Variants in HOMER2 observed in about 807,000 individuals in gnomAD.
HOMER2 encodes the protein homer protein homolog 2.
HOMER2 carries 27 observed loss-of-function variants against 47.0 expected under a neutral mutation model. That is an observed-to-expected ratio of 0.57 (90% CI 0.42 to 0.79). The LOEUF (loss-of-function observed/expected upper bound fraction) is 0.79, where lower values mean the gene tolerates loss of function less well. HOMER2 is among the 30% of genes least tolerant of loss of function. HOMER2 has a pLI of 0.00. For synonymous variants in HOMER2, 161 were observed against 163.8 expected, an observed-to-expected ratio of 0.98 and a Z score of 0.13; for missense variants, 443 against 435.0, an observed-to-expected ratio of 1.02 and a Z score of -0.16.
intron 1 of HOMER2, among the ~76,000 whole-genome samples, chr15:82,933,843 G>GA (rs2151201774): frequency 2.6e-5 from 4 of 152,176 alleles, no homozygotes; most frequent in African/African-American, 9.6e-5. Flanking sequence ...TCACACTCAC[G>GA]AAAGACCCGC....
At chr15:82,880,387 A>C (rs965675423) in intron 2 of HOMER2, among the ~76,000 whole-genome samples, 2 of 152,230 alleles carry the variant, frequency 1.3e-5, no homozygotes, top group African/African-American at 4.8e-5. Flanking sequence ...ATACACTCTT[A>C]ATAGAGTGGT....
chr15:82,979,616 A>G (rs987805386), intron 1 of HOMER2, among the ~76,000 whole-genome samples: 5 of 152,114 alleles, frequency 3.3e-5, no homozygotes, highest in Non-Finnish European at 5.9e-5. Flanking sequence ...GAAGGAATGA[A>G]GAGGAGTGAA....
At chr15:82,924,023 T>C (rs1008343514) in intron 1 of HOMER2, among the ~76,000 whole-genome samples, 5 of 152,020 alleles carry the variant, frequency 3.3e-5, no homozygotes, top group Non-Finnish European at 7.4e-5. Context: ...CGTGCAGACA[T>C]AGAGAGACAG....
downstream of HOMER2, among the ~76,000 whole-genome samples, chr15:82,836,727 G>A (rs752252394): frequency 1.1e-4 from 17 of 152,334 alleles, no homozygotes; most frequent in Non-Finnish European, 2.2e-4. Context: ...GTATTCATCT[G>A]TTCGTCCATT....
At chr15:82,906,635 T>C (rs2053294237) in intron 1 of HOMER2, among the ~76,000 whole-genome samples, 1 of 152,190 alleles carries the variant, frequency 6.6e-6, no homozygotes, top group Admixed American at 6.5e-5. Context: ...AGTTTCTCCA[T>C]GTTGGTCAGG....
intron 1 of HOMER2, among the ~76,000 whole-genome samples, chr15:82,932,083 C>T (rs2054025823): frequency 6.6e-6 from 1 of 152,084 alleles, no homozygotes; most frequent in Non-Finnish European, 1.5e-5. Flanking sequence ...GCCTGGGGGG[C>T]CTAATTCAGC....
rs922166901 is a variant in HOMER2, at chr15:82,849,859, G to C, written c.888C>G (p.Ser296=). 1 of 1,613,982 alleles carries C rather than the reference G, an allele frequency of 6.2e-7. No homozygotes were observed. The change falls in exon 9 of 9, where the codon TCC becomes TCG. Residue 296 remains serine (S), a synonymous_variant. Transcript: ENST00000450735. ...DNQNLEDKVR[S]LKTDIEESKY... ...TGCTCTCCTCAATGTCTGTCTTTAA[G>C]GAACGCACTTTGTCTTCCAGGTTTT...
At chr15:82,905,797 G>A (rs919964810) in intron 1 of HOMER2, among the ~76,000 whole-genome samples, 1 of 152,082 alleles carries the variant, frequency 6.6e-6, no homozygotes, top group Non-Finnish European at 1.5e-5. Context: ...CAATAGACCT[G>A]CCTTACAAGA....
At position 82,915,693 on chromosome 15, in the gene HOMER2, T is replaced by A. The variant is rs75746817; in HGVS notation, c.6-22852A>T. Among the ~76,000 whole-genome samples, 810 of 152,214 alleles carry A rather than the reference T, an allele frequency of 5.3e-3. 3 individuals carry two copies. Among genetic ancestry groups the A allele is most frequent in the African/African-American group, 0.017 (722 of 41,522 alleles). ...CTCAAATAAATAGATAAATAAAGCC[T>A]TAGAACTGCATACTCCTCAACCCAA... On this transcript the variant is annotated intron_variant, in intron 1 of 8. Transcript: ENST00000450735.
intron 1 of HOMER2, among the ~76,000 whole-genome samples, chr15:82,940,142 C>T (rs1430154757): frequency 6.6e-6 from 1 of 151,956 alleles, no homozygotes; most frequent in Non-Finnish European, 1.5e-5. Context: ...GGGTGCAGCA[C>T]ACCAACATGG....
chr15:82,940,916 C>G (rs964112740), intron 1 of HOMER2, among the ~76,000 whole-genome samples: 1 of 151,964 alleles, frequency 6.6e-6, no homozygotes, highest in Non-Finnish European at 1.5e-5. Context: ...AAATCTAACT[C>G]TCACCCCCAG....
At chr15:82,981,962 C>T (rs1199872493) in intron 1 of HOMER2, among the ~76,000 whole-genome samples, 1 of 152,114 alleles carries the variant, frequency 6.6e-6, no homozygotes, top group Non-Finnish European at 1.5e-5. Flanking sequence ...TACTTACTGT[C>T]AATGACCTGT....
rs1306257015 is a variant in HOMER2 at position 82,913,421 on chromosome 15, A to G, written c.6-20580T>C. ...GATCCTTCTAGAACTTCTCTTCTGC[A>G]TCTGGAAACCCCATGCAGTTCCTAA... is the stretch of plus-strand genomic sequence containing the variant. On this transcript the variant is annotated intron_variant, in intron 1 of 8. Coordinates refer to ENST00000450735, the MANE Select transcript of HOMER2 (RefSeq NM_004839.4). This position sits in a 1 kb window ranked among gnomAD's most constrained non-coding sequence, Gnocchi z 4.1. Among the ~76,000 whole-genome samples the G allele has an allele frequency of 6.6e-6, 1 of 152,124 alleles. No homozygotes were observed. Among genetic ancestry groups the G allele is most frequent in the Non-Finnish European group, 1.5e-5 (1 of 68,022 alleles).
chr15:82,909,560 G>A (rs1262191246), intron 1 of HOMER2, among the ~76,000 whole-genome samples: 1 of 152,064 alleles, frequency 6.6e-6, no homozygotes, highest in African/African-American at 2.4e-5. Flanking sequence ...CAGAGCAGGT[G>A]ACCAAGGATG....
chr15:82,985,709 T>C (rs1270477641), intron 1 of HOMER2: 3 of 152,264 alleles, frequency 2.0e-5, no homozygotes, highest in African/African-American at 4.8e-5. Context: ...AGCTGGATAC[T>C]GACGACTGAA....
chr15:82,893,478 G>C (rs531562404), intron 1 of HOMER2, among the ~76,000 whole-genome samples: 1 of 151,636 alleles, frequency 6.6e-6, no homozygotes, highest in Non-Finnish European at 1.5e-5. Flanking sequence ...GATTACAGGC[G>C]TGTGCCACTG....
intron 2 of HOMER2, among the ~76,000 whole-genome samples, chr15:82,880,131 G>T (rs955055843): frequency 6.6e-6 from 1 of 152,222 alleles, no homozygotes; most frequent in African/African-American, 2.4e-5. Context: ...GCCAAATCTA[G>T]CCTATGGCCT....
chr15:82,877,772 G>T (rs1340633574), intron 2 of HOMER2, among the ~76,000 whole-genome samples: 1 of 152,142 alleles, frequency 6.6e-6, no homozygotes, highest in Non-Finnish European at 1.5e-5. Flanking sequence ...TTTCCATCTG[G>T]AAAACTGAAT....
chr15:82,921,738 C>T (rs943397387), intron 1 of HOMER2, among the ~76,000 whole-genome samples: 5 of 152,194 alleles, frequency 3.3e-5, no homozygotes, highest in African/African-American at 1.2e-4. Flanking sequence ...GCAGGGCAGA[C>T]TGGTCAGCTA....
Sources: gnomAD v4.1 joint callset for allele counts (sites outside exome capture counted in the v4.1 genomes callset) on GRCh38, gnomAD v4.1.1 for gene constraint, Gnocchi (gnomAD v3.1) non-coding constraint, MANE v1.5 for transcripts, NCBI Gene and HGNC (gene_info 2026-07-23, HGNC 2026-07-21) for gene names.